Variants in SCAF8 observed in about 807,000 individuals in gnomAD.
SCAF8 encodes the protein SR-related CTD associated factor 8.
SCAF8 carries 23 observed loss-of-function variants against 140.5 expected under a neutral mutation model. The observed-to-expected ratio is 0.16, with a 90% confidence interval of 0.12 to 0.23. The LOEUF (loss-of-function observed/expected upper bound fraction) is 0.23, where lower values mean the gene tolerates loss of function less well. Ranked by LOEUF, SCAF8 falls within the 10% of genes least tolerant of loss-of-function variation. The pLI, the probability that SCAF8 is intolerant of heterozygous loss-of-function variation, is 1.00. For synonymous variants in SCAF8, 575 were observed against 528.9 expected (o/e 1.09, Z -1.20); for missense variants, 1,397 against 1,555.7 (o/e 0.90, Z 1.72).
At chr6:154,745,298 T>C (rs762055693) in intron 1 of SCAF8, among the ~76,000 whole-genome samples, 1 of 152,342 alleles carries the variant, frequency 6.6e-6, no homozygotes, top group Non-Finnish European at 1.5e-5. Flanking sequence ...GGAGTAATAT[T>C]GTATTCCTCT....
intron 6 of SCAF8, among the ~76,000 whole-genome samples, chr6:154,797,766 A>C (rs1307822978): frequency 6.6e-6 from 1 of 151,402 alleles, no homozygotes; most frequent in African/African-American, 2.4e-5. Flanking sequence ...ATAGAATAAA[A>C]TCCAACTTTG....
chr6:154,818,680 C>T, intron 14 of SCAF8, 88 bp downstream of exon 14: 1 of 557,966 alleles, frequency 1.8e-6, no homozygotes. Context: ...ACAAGAGGGT[C>T]ACAAGCTCTT....
intron 3 of SCAF8, among the ~76,000 whole-genome samples, chr6:154,779,939 T>C (rs1490722828): frequency 1.3e-5 from 2 of 152,148 alleles, no homozygotes; most frequent in Middle Eastern, 3.2e-3. Context: ...TAGTAAAATA[T>C]TACAATCAGG....
At chr6:154,784,943 G>T (rs1482356294) in intron 3 of SCAF8, among the ~76,000 whole-genome samples, 1 of 152,156 alleles carries the variant, frequency 6.6e-6, no homozygotes, top group Admixed American at 6.5e-5. Flanking sequence ...AAGCCCACAA[G>T]CCCCAAGTGC....
intron 1 of SCAF8, among the ~76,000 whole-genome samples, chr6:154,737,505 C>T (rs902238812): frequency 2.0e-5 from 3 of 152,084 alleles, no homozygotes; most frequent in Non-Finnish European, 4.4e-5. Context: ...GCGAAACCCC[C>T]ATCTCTACAA....
At chr6:154,764,155 A>G (rs868250291) in intron 1 of SCAF8, among the ~76,000 whole-genome samples, 9 of 152,360 alleles carry the variant, frequency 5.9e-5, no homozygotes, top group Middle Eastern at 3.4e-3. Flanking sequence ...AAGTGATAGT[A>G]TAGAAACTTA....
intron 1 of SCAF8, among the ~76,000 whole-genome samples, chr6:154,734,541 C>T (rs933011572): frequency 4.6e-5 from 7 of 152,302 alleles, no homozygotes; most frequent in African/African-American, 1.7e-4. Flanking sequence ...CGCTCCTCTT[C>T]TAATCCATCA....
intron 11 of SCAF8, 107 bp from the exon 12 acceptor site, chr6:154,809,908 T>C (rs1482085222): frequency 2.2e-6 from 2 of 924,466 alleles, no homozygotes; most frequent in Non-Finnish European, 3.4e-6. Flanking sequence ...ATATTGTCAC[T>C]AAATATAAGA....
chr6:154,758,040 A>G (rs1285916044), intron 1 of SCAF8, among the ~76,000 whole-genome samples: 1 of 150,964 alleles, frequency 6.6e-6, no homozygotes, highest in East Asian at 1.9e-4. Context: ...CCTCCTCAGC[A>G]GCTAAGAGCA....
chr6:154,820,109 A>T, intron 14 of SCAF8, 68 bp from the exon 15 acceptor site: 1 of 1,270,900 alleles, frequency 7.9e-7, no homozygotes, highest in East Asian at 2.7e-5. Flanking sequence ...TAAAATTTTG[A>T]ACTTTTTACC....
At chr6:154,756,843 A>G (rs1778978736) in intron 1 of SCAF8, among the ~76,000 whole-genome samples, 1 of 151,980 alleles carries the variant, frequency 6.6e-6, no homozygotes, top group Admixed American at 6.6e-5. Context: ...AGCCTGGACA[A>G]CATAACGAAA....
intron 12 of SCAF8, among the ~76,000 whole-genome samples, chr6:154,813,091 C>T (rs1778144122): frequency 1.3e-5 from 2 of 151,532 alleles, no homozygotes; most frequent in African/African-American, 4.9e-5. Flanking sequence ...TCTGTAGTCC[C>T]AGCTACTCAA....
Position 154,787,847 on chromosome 6 carries a change from C to T in SCAF8, c.160-14C>T. 5 of 1,576,482 alleles carry T rather than the reference C, an allele frequency of 3.2e-6. No individual in the cohort carries two copies. The highest frequency in any genetic ancestry group is 3.4e-6 in the Non-Finnish European group (4 of 1,161,826). On this transcript the variant is annotated splice_polypyrimidine_tract_variant and intron_variant, in intron 3 of 19. Transcript: ENST00000367178. Reference sequence around the variant, plus strand: ...TCCGTTTCCTTTCCTTTTCATTCTTCTTTTTTTCATCAGTGTAAACCAGAA... The same window carrying T: ...TCCGTTTCCTTTCCTTTTCATTCTTTTTTTTTTCATCAGTGTAAACCAGAA...
intron 1 of SCAF8, among the ~76,000 whole-genome samples, chr6:154,746,362 T>C (rs771341942): frequency 6.6e-6 from 1 of 152,222 alleles, no homozygotes; most frequent in African/African-American, 2.4e-5. Context: ...GCCATTTCTC[T>C]AGTTTCTTTT....
intron 1 of SCAF8, among the ~76,000 whole-genome samples, chr6:154,751,661 A>G (rs1188003022): frequency 6.6e-6 from 1 of 152,136 alleles, no homozygotes; most frequent in East Asian, 1.9e-4. Context: ...CCTAATTAGA[A>G]CACATTTATA....
intron 1 of SCAF8, among the ~76,000 whole-genome samples, chr6:154,735,668 C>CGA: frequency 1.3e-5 from 2 of 152,020 alleles, no homozygotes; most frequent in East Asian, 3.9e-4. Flanking sequence ...CGCACATCAC[C>CGA]ACGCCCCGCT....
chr6:154,794,011 T>G (rs1479813777), intron 5 of SCAF8, among the ~76,000 whole-genome samples: 2 of 151,902 alleles, frequency 1.3e-5, no homozygotes, highest in Non-Finnish European at 2.9e-5. Context: ...AGCCTCGACC[T>G]CCTGGCTTCT....
At chr6:154,756,430 G>A (rs1455269301) in intron 1 of SCAF8, among the ~76,000 whole-genome samples, 1 of 152,186 alleles carries the variant, frequency 6.6e-6, no homozygotes, top group Non-Finnish European at 1.5e-5. Context: ...ATGGAGGTGA[G>A]GGTTTAAATG....
chr6:154,738,224 A>G (rs1351587860), intron 1 of SCAF8, among the ~76,000 whole-genome samples: 2 of 151,962 alleles, frequency 1.3e-5, no homozygotes, highest in Non-Finnish European at 2.9e-5. Flanking sequence ...AGAAAACCCC[A>G]ATAATACAGA....
Sources: allele counts gnomAD v4.1 joint callset (sites outside exome capture counted in the v4.1 genomes callset), GRCh38; gene constraint gnomAD v4.1.1; transcripts MANE v1.5; gene names NCBI Gene and HGNC (gene_info 2026-07-23, HGNC 2026-07-21).